Variants in PCDH7 observed in about 807,000 individuals in gnomAD.
The protein encoded by PCDH7 is protocadherin 7, also known as protocadherin-7.
A neutral mutation model predicts 58.9 loss-of-function variants in PCDH7; 17 were observed. The observed-to-expected ratio is 0.29, with a 90% CI of 0.20 to 0.43. The LOEUF (loss-of-function observed/expected upper bound fraction) is 0.43, where lower values mean the gene tolerates loss of function less well. Ranked by LOEUF, PCDH7 falls within the 20% of genes least tolerant of loss-of-function variation. The pLI, the probability that PCDH7 is intolerant of heterozygous loss-of-function variation, is 1.00. For synonymous variants in PCDH7, 664 were observed against 616.4 expected (o/e 1.08, Z -1.14); for missense variants, 1,274 against 1,441.0 (o/e 0.88, Z 1.88).
intron 3 of PCDH7, among the ~76,000 whole-genome samples, chr4:31,051,833 T>TGGGGG (rs960873295): frequency 7.5e-6 from 1 of 133,778 alleles, no homozygotes; most frequent in African/African-American, 3.2e-5. Context: ...TGGGTGTGTG[T>TGGGGG]GGGGGGCGGG....
rs544755858 is a variant in PCDH7, at chr4:31,134,784, C to T, written c.*8-7689C>T. Reference sequence around the variant, plus strand: ...ATAGACTTTGCTGGGTCAGCTGGGTCTCTGTCTCAAGTGGGGTTCCATCTG... The same window carrying T: ...ATAGACTTTGCTGGGTCAGCTGGGTTTCTGTCTCAAGTGGGGTTCCATCTG... On this transcript the variant is annotated intron_variant, in intron 3 of 3. Transcript: ENST00000509759. 1.6e-4 allele frequency among the ~76,000 whole-genome samples: 24 copies of T among 152,268 alleles called. 1 individual carries two copies. In the South Asian group the frequency reaches 5.0e-3, roughly 32 times the overall value.
intron 1 of PCDH7, among the ~76,000 whole-genome samples, chr4:30,754,505 A>T (rs559388859): frequency 1.3e-5 from 2 of 152,192 alleles, no homozygotes; most frequent in African/African-American, 4.8e-5. Context: ...TAAGTCCTTA[A>T]TGTGAATTAA....
chr4:30,896,020 T>C (rs1045087921), intron 1 of PCDH7, among the ~76,000 whole-genome samples: 1 of 152,182 alleles, frequency 6.6e-6, no homozygotes, highest in Non-Finnish European at 1.5e-5. Context: ...TCCAATCTTA[T>C]AAGCAGGAAT....
At chr4:31,043,163 A>T (rs1212827762) in intron 3 of PCDH7, among the ~76,000 whole-genome samples, 1 of 152,120 alleles carries the variant, frequency 6.6e-6, no homozygotes, top group East Asian at 1.9e-4. Context: ...TACCCTAGGG[A>T]TTAAGTTTCA....
chr4:30,871,211 A>G (rs925237700), intron 1 of PCDH7, among the ~76,000 whole-genome samples: 3 of 152,098 alleles, frequency 2.0e-5, no homozygotes, highest in Non-Finnish European at 4.4e-5. Flanking sequence ...TGTAGCTGAC[A>G]TAATATAAAA....
At chr4:30,783,548 A>G (rs1723047645) in intron 1 of PCDH7, among the ~76,000 whole-genome samples, 1 of 152,222 alleles carries the variant, frequency 6.6e-6, no homozygotes, top group Non-Finnish European at 1.5e-5. Flanking sequence ...TACCTAATAA[A>G]AATAAGAAGA....
intron 3 of PCDH7, among the ~76,000 whole-genome samples, chr4:31,049,305 T>C (rs997995298): frequency 3.3e-5 from 5 of 152,010 alleles, no homozygotes; most frequent in South Asian, 4.1e-4. Flanking sequence ...AAAGTGAGAA[T>C]AGAGTAATTG....
At chr4:30,823,467 A>C (rs958284593) in intron 1 of PCDH7, among the ~76,000 whole-genome samples, 3 of 152,244 alleles carry the variant, frequency 2.0e-5, no homozygotes, top group African/African-American at 4.8e-5. Flanking sequence ...ATTTTCTGCT[A>C]GACCTGTCCT....
At chr4:30,832,918 G>A (rs1729984153) in intron 1 of PCDH7, among the ~76,000 whole-genome samples, 2 of 151,730 alleles carry the variant, frequency 1.3e-5, no homozygotes, top group South Asian at 2.1e-4. Flanking sequence ...CTCAGTGTAG[G>A]TCACAGAAGG....
intron 1 of PCDH7, among the ~76,000 whole-genome samples, chr4:30,815,677 G>A (rs2109317261): frequency 6.6e-6 from 1 of 152,310 alleles, no homozygotes; most frequent in South Asian, 2.1e-4. Context: ...TCATACACCA[G>A]TAAAACTCTG....
chr4:31,074,040 A>G (rs1175510623), intron 3 of PCDH7, among the ~76,000 whole-genome samples: 1 of 151,778 alleles, frequency 6.6e-6, no homozygotes, highest in African/African-American at 2.4e-5. Flanking sequence ...CCTACTATCC[A>G]TGCTCGTCTT....
chr4:30,759,391 G>T (rs1008729268), intron 1 of PCDH7, among the ~76,000 whole-genome samples: 1 of 152,196 alleles, frequency 6.6e-6, no homozygotes, highest in Non-Finnish European at 1.5e-5. Flanking sequence ...TGGTGAAATA[G>T]AATGAGTTTC....
At chr4:31,107,131 A>G (rs1244033878) in intron 3 of PCDH7, among the ~76,000 whole-genome samples, 1 of 152,080 alleles carries the variant, frequency 6.6e-6, no homozygotes, top group African/African-American at 2.4e-5. Flanking sequence ...TAACCTTTCT[A>G]CAATCTTCAT....
intron 2 of PCDH7, among the ~76,000 whole-genome samples, chr4:30,931,215 T>C (rs1410859858): frequency 1.3e-5 from 2 of 152,110 alleles, no homozygotes; most frequent in Non-Finnish European, 2.9e-5. Flanking sequence ...TGGCTACCGT[T>C]GCATGATACT....
chr4:30,889,833 A>C (rs973094305), intron 1 of PCDH7, among the ~76,000 whole-genome samples: 2 of 152,196 alleles, frequency 1.3e-5, no homozygotes, highest in African/African-American at 4.8e-5. Flanking sequence ...ATTAGGTTCC[A>C]ATATACAAAT....
At chr4:30,943,287 A>G (rs1218488684) in intron 2 of PCDH7, among the ~76,000 whole-genome samples, 1 of 152,068 alleles carries the variant, frequency 6.6e-6, no homozygotes, top group East Asian at 1.9e-4. Context: ...CTCTTTAAAT[A>G]TGCAACAAAA....
chr4:31,066,272 A>G (rs79515380), intron 3 of PCDH7, among the ~76,000 whole-genome samples: 11,120 of 152,040 alleles, frequency 0.073, 575 homozygotes, highest in South Asian at 0.18. Flanking sequence ...CTTTCATGTT[A>G]AATGAAGAAC....
intron 1 of PCDH7, among the ~76,000 whole-genome samples, chr4:30,831,778 T>C (rs1352407877): frequency 6.6e-6 from 1 of 152,120 alleles, no homozygotes; most frequent in East Asian, 1.9e-4. Context: ...ATCTGTAAAA[T>C]GGGCATAAAC....
At chr4:30,883,637 C>T (rs973557867) in intron 1 of PCDH7, among the ~76,000 whole-genome samples, 4 of 152,204 alleles carry the variant, frequency 2.6e-5, no homozygotes, top group African/African-American at 9.6e-5. Context: ...ACGTGATGTA[C>T]ACTGATATTT....
Sources: gnomAD v4.1 joint callset for allele counts (sites outside exome capture counted in the v4.1 genomes callset) on GRCh38, gnomAD v4.1.1 for gene constraint, MANE v1.5 for transcripts, NCBI Gene and HGNC (gene_info 2026-07-23, HGNC 2026-07-21) for gene names.